THTPA: variants seen among roughly 807,000 people sequenced by gnomAD.
THTPA encodes thiamine-triphosphatase.
THTPA carries 16 observed loss-of-function variants against 16.5 expected under a neutral mutation model. The ratio of observed to expected loss-of-function variants is 0.97; its 90% CI spans 0.66 to 1.47. The LOEUF is 1.47. THTPA is among the 40% of genes most tolerant of loss of function. The pLI is 0.00. For missense variants in THTPA, 281 were observed against 280.9 expected, an observed-to-expected ratio of 1.00 and a Z score of 0.00; for synonymous variants, 110 against 115.5, an observed-to-expected ratio of 0.95 and a Z score of 0.30.
chr14:23,522,619 C>T, the THTPA span: 3 of 1,533,500 alleles, frequency 2.0e-6, no homozygotes, highest in Admixed American at 3.9e-5. Context: ...GTGCTGTTCC[C>T]CCAGCAGGGG....
At chr14:23,524,274 T>G in the THTPA span, 1 of 1,536,366 alleles carries the variant, frequency 6.5e-7, no homozygotes, top group Non-Finnish European at 8.7e-7. The surrounding 1 kb of genome is among the most constrained non-coding windows in gnomAD (Gnocchi z 5.6). Context: ...TCCTCGGAGA[T>G]GCAGTCGAGC....
chr14:23,522,335 T>TGGGTTA, the THTPA span: 1 of 1,533,856 alleles, frequency 6.5e-7, no homozygotes, highest in Non-Finnish European at 8.7e-7. Context: ...CAGGTAGCGA[T>TGGGTTA]GGGTTACATC....
chr14:23,520,635 C>G, the THTPA span, among the ~76,000 whole-genome samples: 1 of 152,140 alleles, frequency 6.6e-6, no homozygotes, highest in East Asian at 1.9e-4. The surrounding 1 kb of genome is among the most constrained non-coding windows in gnomAD (Gnocchi z 8.7). Context: ...CCCCAGAGTT[C>G]AGGCTCTTCT....
At chr14:23,558,423 C>G (rs1288963439) in intron 1 of THTPA, among the ~76,000 whole-genome samples, 1 of 152,192 alleles carries the variant, frequency 6.6e-6, no homozygotes, top group African/African-American at 2.4e-5. Flanking sequence ...TATCTTGGTG[C>G]CTGGGTGCCT....
the THTPA span, among the ~76,000 whole-genome samples, chr14:23,536,941 T>C: frequency 6.9e-4 from 72 of 104,296 alleles, no homozygotes; most frequent in African/African-American, 2.5e-3. Context: ...AGTTTGAGAC[T>C]AGCCTGGCCA....
At chr14:23,527,911 T>TA in the THTPA span, 1 of 1,049,890 alleles carries the variant, frequency 9.5e-7, no homozygotes, top group South Asian at 1.7e-5. Context: ...CTTTTTTTTT[T>TA]TTTTTTTTTT....
At chr14:23,535,992 G>C in the THTPA span, among the ~76,000 whole-genome samples, 8 of 152,166 alleles carry the variant, frequency 5.3e-5, no homozygotes, top group Non-Finnish European at 7.3e-5. This position sits in a 1 kb window ranked among gnomAD's most constrained non-coding sequence, Gnocchi z 4.5. Flanking sequence ...AAAACCCAAA[G>C]TTTTATCTTG....
upstream of THTPA, chr14:23,551,427 G>A (rs1181423037): frequency 6.6e-6 from 1 of 152,454 alleles, no homozygotes; most frequent in African/African-American, 2.4e-5. The surrounding 1 kb of genome is among the most constrained non-coding windows in gnomAD (Gnocchi z 5.3). Context: ...CTCTTGGAAG[G>A]GACTTCTCCG....
Position 23,559,733 on chromosome 14 carries a change from CTG to C in THTPA, c.*896_*897del, listed in dbSNP as rs1432967757. 4 of 1,613,074 alleles carry C rather than the reference CTG, an allele frequency of 2.5e-6. No homozygotes were observed. The highest frequency in any genetic ancestry group is 3.4e-6 in the Non-Finnish European group (4 of 1,179,422). Reference sequence around the variant, plus strand: ...GTTTGGGACACAGGAGAATTTCAGGCTGTGAGTGGAGACAGTTACTGCCACGA... The same window carrying C: ...GTTTGGGACACAGGAGAATTTCAGGCTGAGTGGAGACAGTTACTGCCACGA... On this transcript the variant is annotated 3_prime_UTR_variant, in exon 2 of 2. Transcript: ENST00000288014.
At chr14:23,522,617 C>A in the THTPA span, 1 of 1,532,414 alleles carries the variant, frequency 6.5e-7, no homozygotes, top group Non-Finnish European at 8.7e-7. Context: ...CGGTGCTGTT[C>A]CCCCAGCAGG....
At chr14:23,526,439 C>A in the THTPA span, 1 of 1,536,176 alleles carries the variant, frequency 6.5e-7, no homozygotes, top group South Asian at 1.2e-5. Context: ...CAGAGGGTGG[C>A]GAGAGTCAGC....
Position 23,559,988 on chromosome 14 carries a change from G to T in THTPA, c.*1148G>T. ...AGCTGGGTGATAGGAAGGCCACCCC[G>T]AGCTGGAACTGTGTTCCCACTGGGG... is the stretch of plus-strand genomic sequence containing the variant. On this transcript the variant is annotated 3_prime_UTR_variant, in exon 2 of 2. Coordinates refer to ENST00000288014, the MANE Select transcript of THTPA (RefSeq NM_024328.6). 6.2e-7 allele frequency: 1 copy of T among 1,612,940 alleles called. No individual in the cohort carries two copies. Among genetic ancestry groups the T allele is most frequent in the Non-Finnish European group, 8.5e-7 (1 of 1,179,384 alleles).
the THTPA span, chr14:23,525,193 G>A: frequency 2.6e-6 from 4 of 1,536,104 alleles, no homozygotes; most frequent in Middle Eastern, 3.3e-4. This position sits in a 1 kb window ranked among gnomAD's most constrained non-coding sequence, Gnocchi z 5.9. Flanking sequence ...GATTCCCTCT[G>A]GAGCTTTCTT....
At chr14:23,535,394 G>C in the THTPA span, 8 of 1,424,842 alleles carry the variant, frequency 5.6e-6, no homozygotes, top group Middle Eastern at 4.0e-4. This position sits in a 1 kb window ranked among gnomAD's most constrained non-coding sequence, Gnocchi z 4.5. Flanking sequence ...GACAAGGAGA[G>C]AGCAGTGCTG....
upstream of THTPA, chr14:23,555,756 T>A (rs1460681929): frequency 6.8e-6 from 1 of 147,874 alleles, no homozygotes; most frequent in East Asian, 2.1e-4. Context: ...CAGATATCTG[T>A]TGGACGGTGT....
At chr14:23,546,578 GTTAC>G in the THTPA span, among the ~76,000 whole-genome samples, 1 of 152,184 alleles carries the variant, frequency 6.6e-6, no homozygotes, top group East Asian at 1.9e-4. This position sits in a 1 kb window ranked among gnomAD's most constrained non-coding sequence, Gnocchi z 4.7. Flanking sequence ...GGGGCTGGAA[GTTAC>G]TTCTAAATCT....
chr14:23,527,769 T>C, the THTPA span: 37 of 1,536,014 alleles, frequency 2.4e-5, no homozygotes, highest in Admixed American at 5.1e-4. Flanking sequence ...GGCTGGACTC[T>C]GGGCTCAGGA....
At chr14:23,551,555 A>G (rs1352844518), upstream of THTPA, 1 of 152,562 alleles carries the variant, frequency 6.6e-6, no homozygotes, top group East Asian at 1.9e-4. The surrounding 1 kb of genome is among the most constrained non-coding windows in gnomAD (Gnocchi z 5.3). Flanking sequence ...AGGGAAGTGA[A>G]GGAAAATAAT....
the THTPA span, chr14:23,533,909 G>C: frequency 6.5e-7 from 1 of 1,538,016 alleles, no homozygotes; most frequent in Non-Finnish European, 8.7e-7. This position sits in a 1 kb window ranked among gnomAD's most constrained non-coding sequence, Gnocchi z 4.8. Flanking sequence ...TGCTTCTCTC[G>C]CATGTGCACA....
Sources: gnomAD v4.1 joint callset for allele counts (sites outside exome capture counted in the v4.1 genomes callset) on GRCh38, gnomAD v4.1.1 for gene constraint, Gnocchi (gnomAD v3.1) non-coding constraint, MANE v1.5 for transcripts, NCBI Gene and HGNC (gene_info 2026-07-23, HGNC 2026-07-21) for gene names.